The following PDSS1 variants were observed in gnomAD, a reference collection of about 807,000 sequenced individuals.
PDSS1 encodes the protein all trans-polyprenyl-diphosphate synthase PDSS1.
PDSS1 carries 43 observed loss-of-function variants against 57.5 expected under a neutral mutation model. The ratio of observed to expected loss-of-function variants is 0.75; its 90% CI spans 0.59 to 0.96. PDSS1 has a LOEUF of 0.96. Ranked by LOEUF, PDSS1 falls within the 50% of genes least tolerant of loss-of-function variation. PDSS1 has a pLI of 0.00. For synonymous variants in PDSS1, 175 were observed against 191.3 expected (o/e 0.91, Z 0.70); for missense variants, 438 against 527.8 (o/e 0.83, Z 1.67).
At chr10:26,725,403 T>C in intron 8 of PDSS1, among the ~76,000 whole-genome samples, 1 of 152,204 alleles carries the variant, frequency 6.6e-6, no homozygotes, top group South Asian at 2.1e-4. Flanking sequence ...TAAAAAGACC[T>C]AATAGAAACT....
chr10:26,740,756 G>T, intron 10 of PDSS1: 1 of 451,568 alleles, frequency 2.2e-6, no homozygotes, highest in South Asian at 1.6e-5. Flanking sequence ...AGGGCTTCCA[G>T]TCATGAAGAT....
At chr10:26,706,409 C>T (rs1835217319) in intron 4 of PDSS1, among the ~76,000 whole-genome samples, 1 of 152,190 alleles carries the variant, frequency 6.6e-6, no homozygotes, top group Non-Finnish European at 1.5e-5. Flanking sequence ...CGCAATTGGC[C>T]AGCTTGCCTG....
chr10:26,741,079 C>T (rs964295962), intron 10 of PDSS1, among the ~76,000 whole-genome samples: 1 of 144,346 alleles, frequency 6.9e-6, no homozygotes, highest in Non-Finnish European at 1.5e-5. Flanking sequence ...ACCTTGGCGG[C>T]ACATTAAAAA....
chr10:26,719,662 T>G (rs1297173195), intron 5 of PDSS1, among the ~76,000 whole-genome samples: 1 of 152,054 alleles, frequency 6.6e-6, no homozygotes, highest in Non-Finnish European at 1.5e-5. Flanking sequence ...CAGCTACTCA[T>G]GGAGGCTGAA....
At chr10:26,716,214 C>T (rs1261419172) in intron 5 of PDSS1, among the ~76,000 whole-genome samples, 1 of 152,016 alleles carries the variant, frequency 6.6e-6, no homozygotes, top group Non-Finnish European at 1.5e-5. Context: ...ATTGGAGGCG[C>T]CCTTGATACA....
intron 4 of PDSS1, among the ~76,000 whole-genome samples, chr10:26,707,200 A>G (rs758013612): frequency 2.6e-5 from 4 of 152,104 alleles, no homozygotes; most frequent in Middle Eastern, 3.2e-3. Context: ...CATTCTTCCC[A>G]TACCAGTCCC....
At chr10:26,722,174 G>A (rs1835810520) in intron 6 of PDSS1, among the ~76,000 whole-genome samples, 1 of 152,128 alleles carries the variant, frequency 6.6e-6, no homozygotes, top group South Asian at 2.1e-4. Flanking sequence ...ATGATGTAGG[G>A]GCTGGGTCGG....
intron 5 of PDSS1, among the ~76,000 whole-genome samples, chr10:26,713,373 A>G (rs1835458113): frequency 1.3e-5 from 2 of 152,208 alleles, no homozygotes; most frequent in African/African-American, 4.8e-5. Flanking sequence ...TAGAAGGTAT[A>G]TCTTAAGAAA....
At chr10:26,724,961 T>C (rs1231515166) in intron 8 of PDSS1, among the ~76,000 whole-genome samples, 1 of 152,212 alleles carries the variant, frequency 6.6e-6, no homozygotes, top group East Asian at 1.9e-4. Context: ...AAATTGAGTA[T>C]AAGCCATAAC....
chr10:26,701,678 G>A (rs756999334), intron 1 of PDSS1, among the ~76,000 whole-genome samples: 1 of 152,238 alleles, frequency 6.6e-6, no homozygotes, highest in Non-Finnish European at 1.5e-5. Context: ...CTGAAGGGGG[G>A]AGAACCCTCA....
intron 8 of PDSS1, among the ~76,000 whole-genome samples, chr10:26,729,903 CCTT>C (rs1564431022): frequency 2.4e-5 from 3 of 125,340 alleles, no homozygotes; most frequent in East Asian, 2.6e-4. Context: ...ATAGTTGGTT[CCTT>C]TTTTTTTTTT....
rs375506776 is a variant in PDSS1, at chr10:26,708,362, T to G, written c.337-1276T>G. Among the ~76,000 whole-genome samples the G allele has an allele frequency of 2.4e-3, 367 of 152,298 alleles. 3 individuals carry two copies. Among genetic ancestry groups the G allele is most frequent in the Middle Eastern group, 0.024 (7 of 294 alleles). ...TCAGCCGGAAGGCTCTTGTCCTCTT[T>G]GTGAATCAGAACCCTGTTTAGGCTT... On this transcript the variant is annotated intron_variant, in intron 4 of 11. Coordinates refer to ENST00000376215, the MANE Select transcript of PDSS1 (RefSeq NM_014317.5).
intron 5 of PDSS1, 179 bp from the exon 6 acceptor site, chr10:26,720,039 G>A (rs1207847070): frequency 2.5e-6 from 2 of 796,022 alleles, no homozygotes; most frequent in Non-Finnish European, 2.0e-6. Context: ...TTGTGGCAGG[G>A]TTTCTCATAC....
At chr10:26,726,471 T>C (rs1470152908) in intron 8 of PDSS1, among the ~76,000 whole-genome samples, 2 of 152,172 alleles carry the variant, frequency 1.3e-5, no homozygotes, top group African/African-American at 4.8e-5. Flanking sequence ...AAATGGCTAT[T>C]TTTACGTACT....
chr10:26,730,449 GA>G (rs555387934), intron 8 of PDSS1, among the ~76,000 whole-genome samples: 369 of 151,138 alleles, frequency 2.4e-3, no homozygotes, highest in African/African-American at 8.4e-3. Flanking sequence ...TGTCTACAAG[GA>G]ATACAAAAAT....
In PDSS1 at chr10:26,697,815, G is replaced by A. The variant is rs1019966246; in HGVS notation, c.104G>A (p.Ser35Asn). The change falls in exon 1 of 12, where the codon AGC becomes AAC. Residue 35 changes from serine to asparagine, a missense_variant. Around this residue, in one of 2 missense-constraint regions of PDSS1, gnomAD observed 154 missense variants for 137.0 expected, o/e 1.12. Transcript: ENST00000376215. ...GGCCGTGCGGGACCGTTGGGGCCGA[G>A]CGCCGCTGCCGAAGTCCGCGCGCAG... ...SPGRAGPLGP[S>N]AAAEVRAQVH... 1 of 1,341,550 alleles carries A rather than the reference G, an allele frequency of 7.5e-7. No homozygotes were observed. The highest frequency in any genetic ancestry group is 9.6e-7 in the Non-Finnish European group (1 of 1,041,298). 83.1% of individuals were successfully genotyped at this position (1,341,550 alleles called of 1,614,324 possible). A position where few individuals can be genotyped will look rare whatever the true frequency, so the allele number is the denominator to read the frequency against.
At chr10:26,737,776 A>AG (rs1228588319) in intron 10 of PDSS1, among the ~76,000 whole-genome samples, 1 of 151,548 alleles carries the variant, frequency 6.6e-6, no homozygotes, top group Non-Finnish European at 1.5e-5. Context: ...AGCAAGCAAA[A>AG]GGAAAAAAAA....
intron 8 of PDSS1, among the ~76,000 whole-genome samples, chr10:26,728,847 C>T (rs185547063): frequency 1.9e-3 from 262 of 136,922 alleles, no homozygotes; most frequent in African/African-American, 6.7e-3. Flanking sequence ...GGTGCAATCT[C>T]AGCTCACTGC....
At position 26,735,463 on chromosome 10, in the gene PDSS1, C is replaced by T. The variant is rs767947213; in HGVS notation, c.913-3C>T. 5.0e-6 allele frequency: 8 copies of T among 1,595,288 alleles called. No homozygotes were observed. The South Asian group carries it at 5.5e-5, about 11-fold the overall frequency. ...CCTTACATCCCATTTTTCCTTTTGCCAGCTAATAGATGATGTATTGGACTT... is the reference window on the plus strand; with the variant it reads ...CCTTACATCCCATTTTTCCTTTTGCTAGCTAATAGATGATGTATTGGACTT... On this transcript the variant is annotated splice_polypyrimidine_tract_variant and splice_region_variant and intron_variant, in intron 9 of 11. Coordinates refer to ENST00000376215, the MANE Select transcript of PDSS1 (RefSeq NM_014317.5).
Sources: gnomAD v4.1 joint callset for allele counts (sites outside exome capture counted in the v4.1 genomes callset) on GRCh38, gnomAD v4.1.1 for gene constraint, gnomAD v4.1.1 regional missense constraint, MANE v1.5 for transcripts, NCBI Gene and HGNC (gene_info 2026-07-23, HGNC 2026-07-21) for gene names.